PPARGC1B: variants seen among roughly 807,000 people sequenced by gnomAD.
The protein encoded by PPARGC1B is peroxisome proliferator-activated receptor gamma coactivator 1-beta.
Under a neutral mutation model 101.6 loss-of-function variants are expected in PPARGC1B, and 34 were observed. That is an observed-to-expected ratio of 0.33 (90% CI 0.25 to 0.45). The LOEUF (loss-of-function observed/expected upper bound fraction) is 0.45, where lower values mean the gene tolerates loss of function less well. PPARGC1B is among the 20% of genes least tolerant of loss of function. The pLI is 1.00. For missense variants in PPARGC1B, 1,234 were observed against 1,317.6 expected (o/e 0.94, Z 0.98); for synonymous variants, 548 against 539.3 (o/e 1.02, Z -0.22).
intron 1 of PPARGC1B, among the ~76,000 whole-genome samples, chr5:149,737,515 C>A (rs1754764792): frequency 6.6e-6 from 1 of 152,220 alleles, no homozygotes; most frequent in Non-Finnish European, 1.5e-5. Context: ...CCCTCTCCCT[C>A]ACCTCCAAGC....
chr5:149,769,849 C>A (rs556141837), intron 1 of PPARGC1B, among the ~76,000 whole-genome samples: 1 of 152,316 alleles, frequency 6.6e-6, no homozygotes, highest in South Asian at 2.1e-4. Flanking sequence ...TGACCCTGAC[C>A]CTGACCCTTC....
In PPARGC1B at chr5:149,854,004, C is replaced by G. The variant is rs1759868012; in HGVS notation, c.*6446C>G. On this transcript the variant is annotated 3_prime_UTR_variant, in exon 12 of 12. Coordinates refer to ENST00000309241, the MANE Select transcript of PPARGC1B (RefSeq NM_133263.4). ...TGCTAATGTTGAAACCAACACGAGC[C>G]CTCTCCCCAACCCCAGGTTTCTAAA... The G allele has an allele frequency of 6.6e-6, 1 of 152,158 alleles. No homozygotes were observed. The highest frequency in any genetic ancestry group is 2.4e-5 in the African/African-American group (1 of 41,420). The allele number at this position is 152,158 out of a possible 1,614,324, so 9.4% of individuals were successfully genotyped here.
At chr5:149,838,513 G>A (rs1259306410) in intron 8 of PPARGC1B, among the ~76,000 whole-genome samples, 2 of 152,188 alleles carry the variant, frequency 1.3e-5, no homozygotes, top group Non-Finnish European at 2.9e-5. Flanking sequence ...TTTGCTGTGA[G>A]CTAAAGCACT....
At position 149,816,661 on chromosome 5, in the gene PPARGC1B, A is replaced by G. The variant is rs1017858391; in HGVS notation, c.79-3772A>G. 4.6e-4 allele frequency among the ~76,000 whole-genome samples: 70 copies of G among 152,166 alleles called. 1 individual carries two copies. The highest frequency in any genetic ancestry group is 5.7e-4 in the Non-Finnish European group (39 of 68,030). On this transcript the variant is annotated intron_variant, in intron 1 of 11. Transcript: ENST00000309241. ...GGACTCTGGTTCTAAAGCTGTTTCT[A>G]AGAAGCAAGGCCTACAAAGGTGGCT...
In PPARGC1B at chr5:149,741,909, C is replaced by G. The variant is rs188064423; in HGVS notation, c.78+11489C>G. Among the ~76,000 whole-genome samples the G allele has an allele frequency of 7.4e-4, 112 of 152,262 alleles. No homozygotes were observed. The East Asian group carries it at 0.016, about 22-fold the overall frequency. ...CCTCCCAAAGTGCTGGGATTACAAG[C>G]GTGAGCCACCACGCCTGGCATAGCC... On this transcript the variant is annotated intron_variant, in intron 1 of 11. Coordinates refer to ENST00000309241, the MANE Select transcript of PPARGC1B (RefSeq NM_133263.4).
intron 3 of PPARGC1B, among the ~76,000 whole-genome samples, chr5:149,829,270 C>T (rs192200313): frequency 6.6e-5 from 10 of 152,306 alleles, no homozygotes; most frequent in African/African-American, 1.4e-4. Flanking sequence ...CTGCTCATTA[C>T]ACCAATGGAG....
rs1012652403 is a variant in PPARGC1B, at chr5:149,826,812, C to A, written c.392C>A (p.Pro131His). The A allele has an allele frequency of 4.3e-5, 69 of 1,613,900 alleles. No individual in the cohort carries two copies. The highest frequency in any genetic ancestry group is 5.8e-5 in the Non-Finnish European group (68 of 1,179,912). The stretch of plus-strand genomic sequence containing the variant: ...TCATGCACCTCAGCTTCGCCTGCCC[C>A]CTCATCTGCACCCCCCAGCCCTGCC... ...ALSCTSASPA[P>H]SSAPPSPAPE... Residue 131 changes from proline (P) to histidine (H), a missense_variant, in exon 3 of 12, where the codon CCC becomes CAC. By Grantham distance (77) the Pro-to-His change is moderately conservative (BLOSUM62 -2). This residue lies in a region of PPARGC1B where 734 missense variants were observed against 768.4 expected (regional missense o/e 0.96). Transcript: ENST00000309241.
intron 8 of PPARGC1B, among the ~76,000 whole-genome samples, chr5:149,839,510 G>A (rs1442314600): frequency 6.6e-6 from 1 of 152,220 alleles, no homozygotes; most frequent in Non-Finnish European, 1.5e-5. Flanking sequence ...GAAGCATGGA[G>A]CTGCAATGGC....
intron 2 of PPARGC1B, among the ~76,000 whole-genome samples, chr5:149,822,779 A>G (rs1222934883): frequency 1.3e-5 from 2 of 152,158 alleles, no homozygotes; most frequent in Non-Finnish European, 2.9e-5. Flanking sequence ...GCCCTTGCAC[A>G]TTGTAAGGAC....
At position 149,842,311 on chromosome 5, in the gene PPARGC1B, A is replaced by T. The variant is rs780219234; in HGVS notation, c.2750A>T (p.Glu917Val). ...QNLSSDMSSR[E>V]LKRRFEVFGE... is the part of the protein sequence containing the mutation. Reference sequence around the variant, plus strand: ...CTCTCCAGCGACATGAGCTCCCGAGAGCTGAAGAGGCGCTTTGAAGTGTTT... The same window carrying T: ...CTCTCCAGCGACATGAGCTCCCGAGTGCTGAAGAGGCGCTTTGAAGTGTTT... The change falls in exon 10 of 12, where the codon GAG becomes GTG. Residue 917 changes from glutamate to valine, a missense_variant. By Grantham distance (121) the Glu-to-Val change is moderately radical. This residue lies in a region of PPARGC1B where 497 missense variants were observed against 529.5 expected (regional missense o/e 0.94). Transcript: ENST00000309241. 2.1e-5 allele frequency: 34 copies of T among 1,614,046 alleles called. No homozygotes were observed. In the Middle Eastern group the frequency reaches 4.9e-4, roughly 23 times the overall value.
chr5:149,835,406 ACAC>A, intron 7 of PPARGC1B, 41 bp downstream of exon 7: 3 of 1,563,762 alleles, frequency 1.9e-6, no homozygotes, highest in Non-Finnish European at 1.8e-6. Context: ...CTTCAGGAAA[ACAC>A]CCGTGCATCT....
chr5:149,818,955 A>G (rs1013639829), intron 1 of PPARGC1B: 2 of 448,790 alleles, frequency 4.5e-6, no homozygotes, highest in East Asian at 7.0e-5. Flanking sequence ...CCCCAGGGCC[A>G]ACAGAACATC....
intron 1 of PPARGC1B, among the ~76,000 whole-genome samples, chr5:149,781,548 G>A (rs1444814365): frequency 6.6e-6 from 1 of 152,174 alleles, no homozygotes; most frequent in African/African-American, 2.4e-5. Flanking sequence ...ACTGAAGCAC[G>A]CAAGGGATGT....
intron 1 of PPARGC1B, among the ~76,000 whole-genome samples, chr5:149,739,279 T>C (rs945119644): frequency 6.6e-6 from 1 of 152,220 alleles, no homozygotes; most frequent in African/African-American, 2.4e-5. Context: ...GACTATTTCG[T>C]TGTGTATCTG....
At chr5:149,770,828 TAA>T (rs35142598) in intron 1 of PPARGC1B, among the ~76,000 whole-genome samples, 8 of 141,474 alleles carry the variant, frequency 5.7e-5, no homozygotes, top group Admixed American at 7.1e-5. Context: ...CCCTGTCTCT[TAA>T]AAAAAAAAAA....
intron 1 of PPARGC1B, among the ~76,000 whole-genome samples, chr5:149,733,878 A>T (rs1002441657): frequency 2.6e-5 from 4 of 152,200 alleles, no homozygotes; most frequent in African/African-American, 9.7e-5. Context: ...AACTTATTTA[A>T]AAATATTTAA....
rs1469817505 is a variant in PPARGC1B at position 149,776,185 on chromosome 5, GT to G, written c.79-44247del. ...TAGGTGTCATAGAAAAGGCAGCAGA[GT>G]GTAGGTGATGAAAGAACATTGGACT... On this transcript the variant is annotated intron_variant, in intron 1 of 11. Transcript: ENST00000309241. Among the ~76,000 whole-genome samples, 3 of 152,188 alleles carry G rather than the reference GT, an allele frequency of 2.0e-5. No individual in the cohort carries two copies. The South Asian group carries it at 6.2e-4, about 31-fold the overall frequency.
Position 149,847,819 on chromosome 5 carries a change from G to T in PPARGC1B, c.*261G>T. On this transcript the variant is annotated 3_prime_UTR_variant, in exon 12 of 12. Transcript: ENST00000309241. ...TCCTCGCTTCCAACGGGTTGTCCCG[G>T]GTGCACCTCGAAGTGCCGGGTCCGT... 2.1e-6 allele frequency: 1 copy of T among 481,234 alleles called. No homozygotes were observed. Among genetic ancestry groups the T allele is most frequent in the Non-Finnish European group, 3.7e-6 (1 of 269,162 alleles). 29.8% of individuals were successfully genotyped at this position (481,234 alleles called of 1,614,324 possible). A position where few individuals can be genotyped will look rare whatever the true frequency, so the allele number is the denominator to read the frequency against.
intron 1 of PPARGC1B, among the ~76,000 whole-genome samples, chr5:149,772,838 C>T (rs930571666): frequency 2.6e-5 from 4 of 151,858 alleles, no homozygotes; most frequent in East Asian, 1.9e-4. Flanking sequence ...GACTGGGTGG[C>T]GGTGGTGGTG....
Sources: gnomAD v4.1 joint callset for allele counts (sites outside exome capture counted in the v4.1 genomes callset) on GRCh38, gnomAD v4.1.1 for gene constraint, gnomAD v4.1.1 regional missense constraint, MANE v1.5 for transcripts, NCBI Gene and HGNC (gene_info 2026-07-23, HGNC 2026-07-21) for gene names.